ADAMTS17: variants seen among roughly 807,000 people sequenced by gnomAD.
ADAMTS17 encodes the protein ADAM metallopeptidase with thrombospondin type 1 motif 17, also known as A disintegrin and metalloproteinase with thrombospondin motifs 17.
Under a neutral mutation model 141.5 loss-of-function variants are expected in ADAMTS17, and 113 were observed. The ratio of observed to expected loss-of-function variants is 0.80; its 90% CI spans 0.69 to 0.93. The LOEUF (loss-of-function observed/expected upper bound fraction) is 0.93, where lower values mean the gene tolerates loss of function less well. Ranked by LOEUF, ADAMTS17 falls within the 40% of genes least tolerant of loss-of-function variation. ADAMTS17 has a pLI of 0.00. For missense variants in ADAMTS17, 1,659 were observed against 1,517.9 expected (o/e 1.09, Z -1.54); for synonymous variants, 768 against 630.6 (o/e 1.22, Z -3.27).
At chr15:100,110,062 G>C (rs2036657321) in intron 13 of ADAMTS17, among the ~76,000 whole-genome samples, 1 of 151,752 alleles carries the variant, frequency 6.6e-6, no homozygotes, top group African/African-American at 2.4e-5. Flanking sequence ...TTCATCTTCA[G>C]ATTGAAGTAA....
chr15:100,047,822 C>T (rs547492041), intron 18 of ADAMTS17, among the ~76,000 whole-genome samples: 82 of 152,244 alleles, frequency 5.4e-4, no homozygotes, highest in Admixed American at 4.1e-3. Context: ...ATGGACTGAT[C>T]GATAGGTTCG....
At chr15:99,987,147 T>C (rs556368239) in intron 20 of ADAMTS17, among the ~76,000 whole-genome samples, 29 of 152,344 alleles carry the variant, frequency 1.9e-4, no homozygotes, top group African/African-American at 7.0e-4. Flanking sequence ...GCTCTTGGAC[T>C]GGCCCATTCC....
At chr15:100,236,283 T>A (rs367655230) in intron 7 of ADAMTS17, among the ~76,000 whole-genome samples, 297 of 128,482 alleles carry the variant, frequency 2.3e-3, no homozygotes, top group African/African-American at 7.8e-3. Flanking sequence ...CCCACGACAT[T>A]AAAAAAAAAA....
rs562238676 is a variant in ADAMTS17, at chr15:100,237,020, C to T, written c.1075+17116G>A. 6.6e-5 allele frequency among the ~76,000 whole-genome samples: 10 copies of T among 152,310 alleles called. No individual in the cohort carries two copies. In the East Asian group the frequency reaches 1.2e-3, roughly 18 times the overall value. Reference sequence around the variant, plus strand: ...ATCAGCTCACTTGGAGTAGCTCCCACGATCCTCAGACTCCAATCTGAAGCT... The same window carrying T: ...ATCAGCTCACTTGGAGTAGCTCCCATGATCCTCAGACTCCAATCTGAAGCT... On this transcript the variant is annotated intron_variant, in intron 7 of 21. Coordinates refer to ENST00000268070, the MANE Select transcript of ADAMTS17 (RefSeq NM_139057.4).
intron 7 of ADAMTS17, among the ~76,000 whole-genome samples, chr15:100,238,952 G>A (rs112973870): frequency 0.021 from 3,174 of 152,254 alleles, 52 homozygotes; most frequent in Non-Finnish European, 0.029. Flanking sequence ...TTAGCCAGGC[G>A]TAGTGGCGTG....
intron 10 of ADAMTS17, among the ~76,000 whole-genome samples, chr15:100,133,525 TAGG>T (rs1479154977): frequency 6.6e-6 from 1 of 152,122 alleles, no homozygotes; most frequent in Non-Finnish European, 1.5e-5. Flanking sequence ...CATCTACTCC[TAGG>T]AGGGCTTGTC....
At chr15:100,035,235 C>T (rs1363415193) in intron 18 of ADAMTS17, among the ~76,000 whole-genome samples, 1 of 152,196 alleles carries the variant, frequency 6.6e-6, no homozygotes, top group East Asian at 1.9e-4. Flanking sequence ...ACAGGCAGTC[C>T]TGAATGTTTA....
intron 15 of ADAMTS17, among the ~76,000 whole-genome samples, chr15:100,086,098 AC>A (rs1419697249): frequency 2.0e-5 from 3 of 152,062 alleles, no homozygotes; most frequent in Non-Finnish European, 4.4e-5. Context: ...TATTCAGGAA[AC>A]CCACCTCATG....
At chr15:100,245,090 CAG>C (rs760462487) in intron 7 of ADAMTS17, among the ~76,000 whole-genome samples, 1 of 152,160 alleles carries the variant, frequency 6.6e-6, no homozygotes, top group Non-Finnish European at 1.5e-5. Flanking sequence ...CCATGAGGAA[CAG>C]AAACACCGAG....
chr15:100,127,320 A>G (rs1369943710), intron 12 of ADAMTS17, among the ~76,000 whole-genome samples: 1 of 152,112 alleles, frequency 6.6e-6, no homozygotes, highest in Non-Finnish European at 1.5e-5. Context: ...AGGGAAGAAA[A>G]GGTGAGAGGA....
Position 100,099,007 on chromosome 15 carries a change from T to A in ADAMTS17, c.2017-2531A>T, listed in dbSNP as rs1457799750. Among the ~76,000 whole-genome samples, 325 of 152,344 alleles carry A rather than the reference T, an allele frequency of 2.1e-3. 2 individuals are homozygous for A. The highest frequency in any genetic ancestry group is 7.3e-3 in the African/African-American group (305 of 41,592). On this transcript the variant is annotated intron_variant, in intron 14 of 21. Transcript: ENST00000268070. Reference sequence around the variant, plus strand: ...GCTTGGTAGGAGTGAGTCTCTGGCTTCAGGCCTGGTTCCTTGTCCTGCACC... The same window carrying A: ...GCTTGGTAGGAGTGAGTCTCTGGCTACAGGCCTGGTTCCTTGTCCTGCACC...
Position 100,055,141 on chromosome 15 carries a change from T to C in ADAMTS17, c.2138-1087A>G, listed in dbSNP as rs111737402. 5.1e-3 allele frequency among the ~76,000 whole-genome samples: 784 copies of C among 152,268 alleles called. 10 individuals are homozygous for C. Among genetic ancestry groups the C allele is most frequent in the African/African-American group, 0.018 (732 of 41,558 alleles). ...CTCAGTCCTATGCCCACACTCCCTG[T>C]ACACACAACTGGAGCCCCAAGGACA... On this transcript the variant is annotated intron_variant, in intron 15 of 21. Transcript: ENST00000268070.
At chr15:100,260,289 G>A in intron 6 of ADAMTS17, among the ~76,000 whole-genome samples, 1 of 152,244 alleles carries the variant, frequency 6.6e-6, no homozygotes, top group Middle Eastern at 3.4e-3. Flanking sequence ...AGCCTTTCTT[G>A]ACTCAAAACC....
intron 8 of ADAMTS17, among the ~76,000 whole-genome samples, chr15:100,181,102 C>G (rs1196766322): frequency 6.6e-6 from 1 of 152,228 alleles, no homozygotes; most frequent in Non-Finnish European, 1.5e-5. Context: ...CGCCACCACA[C>G]AAGGCCCATG....
intron 8 of ADAMTS17, among the ~76,000 whole-genome samples, chr15:100,182,769 C>G (rs2040569635): frequency 6.6e-6 from 1 of 152,074 alleles, no homozygotes; most frequent in Admixed American, 6.6e-5. Flanking sequence ...TCTTGCTCCT[C>G]CCTCTGGTCT....
chr15:100,260,087 C>G (rs1327487467), intron 6 of ADAMTS17, among the ~76,000 whole-genome samples: 1 of 151,944 alleles, frequency 6.6e-6, no homozygotes, highest in African/African-American at 2.4e-5. Flanking sequence ...TCAGGTGATC[C>G]GCCCGCCTCA....
At chr15:100,205,910 GC>G (rs1415112221) in intron 7 of ADAMTS17, among the ~76,000 whole-genome samples, 1 of 152,174 alleles carries the variant, frequency 6.6e-6, no homozygotes. Context: ...CAGGGACCGA[GC>G]CCAGGTCTGG....
chr15:100,035,850 GAA>G (rs2030653070), intron 18 of ADAMTS17, among the ~76,000 whole-genome samples: 1 of 152,162 alleles, frequency 6.6e-6, no homozygotes, highest in Non-Finnish European at 1.5e-5. Flanking sequence ...CCTAGAAAAT[GAA>G]GAGACGACTC....
rs559150526 is a variant in ADAMTS17, at chr15:100,171,078, G to T, written c.1182-15758C>A. Among the ~76,000 whole-genome samples, 379 of 152,180 alleles carry T rather than the reference G, an allele frequency of 2.5e-3. 2 individuals carry two copies. Among genetic ancestry groups the T allele is most frequent in the African/African-American group, 8.7e-3 (362 of 41,526 alleles). ...GGGAAGCCATTTTAATGGGCAGTAGGAACCAGCCCCCAGCACTTCCTATAC... is the reference window on the plus strand; with the variant it reads ...GGGAAGCCATTTTAATGGGCAGTAGTAACCAGCCCCCAGCACTTCCTATAC... On this transcript the variant is annotated intron_variant, in intron 8 of 21. Coordinates refer to ENST00000268070, the MANE Select transcript of ADAMTS17 (RefSeq NM_139057.4).
Sources: gnomAD v4.1 joint callset for allele counts (sites outside exome capture counted in the v4.1 genomes callset) on GRCh38, gnomAD v4.1.1 for gene constraint, MANE v1.5 for transcripts, NCBI Gene and HGNC (gene_info 2026-07-23, HGNC 2026-07-21) for gene names.